Variants in SPMIP4 observed in about 807,000 individuals in gnomAD.
SPMIP4 encodes sperm-associated microtubule inner protein 4.
chr7:25,133,181 T>G, the SPMIP4 span, among the ~76,000 whole-genome samples: 4 of 152,220 alleles, frequency 2.6e-5, no homozygotes, highest in African/African-American at 9.6e-5. Context: ...TGCTAGTGTG[T>G]TCATATTTGG....
At chr7:25,138,578 C>A in the SPMIP4 span, among the ~76,000 whole-genome samples, 2 of 152,056 alleles carry the variant, frequency 1.3e-5, no homozygotes, top group Non-Finnish European at 2.9e-5. The surrounding 1 kb of genome is among the most constrained non-coding windows in gnomAD (Gnocchi z 6.2). Flanking sequence ...CCAAAAATAA[C>A]CACAATGAGT....
At chr7:25,145,150 A>G in the SPMIP4 span, among the ~76,000 whole-genome samples, 3 of 151,996 alleles carry the variant, frequency 2.0e-5, no homozygotes, top group Admixed American at 2.0e-4. Flanking sequence ...TTTAGTAGAG[A>G]CCGGGTTTCA....
At chr7:25,179,593 A>T in the SPMIP4 span, 1 of 288,126 alleles carries the variant, frequency 3.5e-6, no homozygotes, top group Non-Finnish European at 6.4e-6. Flanking sequence ...CCAGTCCGCT[A>T]CTTTGTGGCC....
At chr7:25,175,543 G>T in the SPMIP4 span, among the ~76,000 whole-genome samples, 1 of 152,202 alleles carries the variant, frequency 6.6e-6, no homozygotes, top group East Asian at 1.9e-4. Context: ...CATCTAGGTT[G>T]TAGGTATGGC....
the SPMIP4 span, among the ~76,000 whole-genome samples, chr7:25,131,742 T>C: frequency 6.6e-6 from 1 of 152,302 alleles, no homozygotes; most frequent in East Asian, 1.9e-4. The surrounding 1 kb of genome is among the most constrained non-coding windows in gnomAD (Gnocchi z 4.2). Context: ...GTTATAGCTC[T>C]ATTAGAAGCC....
the SPMIP4 span, among the ~76,000 whole-genome samples, chr7:25,166,652 C>T: frequency 3.3e-5 from 5 of 151,810 alleles, no homozygotes; most frequent in African/African-American, 7.3e-5. Context: ...TTTGGGAGGC[C>T]GAGGCAGGTG....
the SPMIP4 span, among the ~76,000 whole-genome samples, chr7:25,167,571 G>T: frequency 6.6e-6 from 1 of 152,002 alleles, no homozygotes; most frequent in Non-Finnish European, 1.5e-5. Flanking sequence ...GGTCATCGGC[G>T]GCACATGTCC....
At chr7:25,164,280 A>G in the SPMIP4 span, among the ~76,000 whole-genome samples, 10 of 152,326 alleles carry the variant, frequency 6.6e-5, no homozygotes, top group African/African-American at 2.2e-4. Flanking sequence ...CAGGGGGTAC[A>G]ACAATGGTTC....
the SPMIP4 span, chr7:25,155,076 G>A: frequency 2.5e-6 from 4 of 1,614,128 alleles, no homozygotes; most frequent in Non-Finnish European, 3.4e-6. Flanking sequence ...GGGCTGCTGG[G>A]TGCGGGCTTT....
chr7:25,129,875 G>T, the SPMIP4 span, among the ~76,000 whole-genome samples: 1 of 152,124 alleles, frequency 6.6e-6, no homozygotes, highest in African/African-American at 2.4e-5. Context: ...CAGAGGGCCA[G>T]CCAAGCAGAA....
At chr7:25,179,147 T>C in the SPMIP4 span, 1 of 1,575,094 alleles carries the variant, frequency 6.3e-7, no homozygotes, top group Admixed American at 1.9e-5. Context: ...TGCTTTTTCT[T>C]GTTTGCTTTT....
At chr7:25,173,224 C>A in the SPMIP4 span, among the ~76,000 whole-genome samples, 78 of 152,262 alleles carry the variant, frequency 5.1e-4, no homozygotes, top group African/African-American at 1.8e-3. This position sits in a 1 kb window ranked among gnomAD's most constrained non-coding sequence, Gnocchi z 4.4. Flanking sequence ...CCTCCTCCCC[C>A]ACCTGTAATA....
the SPMIP4 span, among the ~76,000 whole-genome samples, chr7:25,132,786 T>A: frequency 1.3e-5 from 2 of 152,232 alleles, no homozygotes. The surrounding 1 kb of genome is among the most constrained non-coding windows in gnomAD (Gnocchi z 5.0). Flanking sequence ...GAGTTGCTTG[T>A]GTATAACAAA....
At chr7:25,127,931 C>T in the SPMIP4 span, among the ~76,000 whole-genome samples, 1 of 152,232 alleles carries the variant, frequency 6.6e-6, no homozygotes, top group Non-Finnish European at 1.5e-5. Context: ...CCATCCGAAG[C>T]TCAGTAAAAC....
chr7:25,158,195 C>T, the SPMIP4 span, among the ~76,000 whole-genome samples: 1 of 149,658 alleles, frequency 6.7e-6, no homozygotes, highest in Non-Finnish European at 1.5e-5. Flanking sequence ...TAGCAAGAAC[C>T]CATCTCTACA....
chr7:25,153,567 A>AG, the SPMIP4 span, among the ~76,000 whole-genome samples: 1 of 151,950 alleles, frequency 6.6e-6, no homozygotes, highest in Non-Finnish European at 1.5e-5. Flanking sequence ...CCGTCTCAAA[A>AG]AAAAAAAAAA....
At chr7:25,136,043 G>A in the SPMIP4 span, 5 of 1,613,914 alleles carry the variant, frequency 3.1e-6, no homozygotes, top group African/African-American at 6.7e-5. This position sits in a 1 kb window ranked among gnomAD's most constrained non-coding sequence, Gnocchi z 5.7. Flanking sequence ...TTATCCCTGA[G>A]GTCTTTATGG....
At chr7:25,128,636 C>G in the SPMIP4 span, among the ~76,000 whole-genome samples, 1 of 152,170 alleles carries the variant, frequency 6.6e-6, no homozygotes, top group South Asian at 2.1e-4. This position sits in a 1 kb window ranked among gnomAD's most constrained non-coding sequence, Gnocchi z 4.5. Flanking sequence ...GAAATGCTGT[C>G]TAGGAGCCAA....
At chr7:25,160,489 G>T in the SPMIP4 span, among the ~76,000 whole-genome samples, 1 of 152,098 alleles carries the variant, frequency 6.6e-6, no homozygotes, top group African/African-American at 2.4e-5. Flanking sequence ...AGTAGAGACA[G>T]GGTTTCGCCA....
Sources: allele counts gnomAD v4.1 joint callset (sites outside exome capture counted in the v4.1 genomes callset), GRCh38; gene constraint gnomAD v4.1.1; non-coding constraint Gnocchi (gnomAD v3.1); transcripts MANE v1.5; gene names NCBI Gene and HGNC (gene_info 2026-07-23, HGNC 2026-07-21).